The following CTNND2 variants were observed in gnomAD, a reference collection of about 807,000 sequenced individuals.
The protein encoded by CTNND2 is catenin delta 2.
A neutral mutation model predicts 144.4 loss-of-function variants in CTNND2; 22 were observed. The observed-to-expected ratio is 0.15, with a 90% confidence interval of 0.11 to 0.22. The LOEUF (loss-of-function observed/expected upper bound fraction) is 0.22. Among genes scored for constraint, CTNND2 ranks in the 10% least tolerant of loss-of-function variants. The probability of loss-of-function intolerance (pLI) is 1.00; values close to 1 mark genes in which losing one functional copy is unlikely to be tolerated. For missense variants in CTNND2, 1,353 were observed against 1,618.8 expected (o/e 0.84, Z 2.82); for synonymous variants, 751 against 695.6 (o/e 1.08, Z -1.25).
At chr5:11,246,556 C>T (rs1420257494) in intron 9 of CTNND2, among the ~76,000 whole-genome samples, 1 of 152,062 alleles carries the variant, frequency 6.6e-6, no homozygotes, top group African/African-American at 2.4e-5. Context: ...AGAGACGCTA[C>T]ACTGCTCACA....
intron 10 of CTNND2, among the ~76,000 whole-genome samples, chr5:11,206,160 G>T (rs748580849): frequency 6.6e-6 from 1 of 152,160 alleles, no homozygotes; most frequent in South Asian, 2.1e-4. Context: ...ATAGTGAAAG[G>T]AATACAATTT....
At chr5:11,116,800 G>A (rs1025638793) in intron 13 of CTNND2, among the ~76,000 whole-genome samples, 1 of 152,190 alleles carries the variant, frequency 6.6e-6, no homozygotes, top group African/African-American at 2.4e-5. Context: ...GCTCATGCCT[G>A]TAATCCCAGC....
chr5:11,212,917 G>T (rs1357734193), intron 10 of CTNND2, among the ~76,000 whole-genome samples: 1 of 152,214 alleles, frequency 6.6e-6, no homozygotes, highest in African/African-American at 2.4e-5. Flanking sequence ...TGAGGTGATA[G>T]GACCCACACA....
chr5:11,584,902 T>C (rs1367174503), intron 2 of CTNND2, among the ~76,000 whole-genome samples: 7 of 152,174 alleles, frequency 4.6e-5, no homozygotes, highest in South Asian at 4.1e-4. Flanking sequence ...CTCATGCTAA[T>C]AGAGGATAGA....
chr5:11,599,781 T>A (rs558017282), intron 2 of CTNND2, among the ~76,000 whole-genome samples: 25 of 152,268 alleles, frequency 1.6e-4, no homozygotes, highest in Non-Finnish European at 3.2e-4. Flanking sequence ...CCAGGAAGCT[T>A]GCTATTCTGG....
At chr5:11,440,252 C>T (rs1175808382) in intron 3 of CTNND2, among the ~76,000 whole-genome samples, 1 of 152,174 alleles carries the variant, frequency 6.6e-6, no homozygotes, top group Non-Finnish European at 1.5e-5. Flanking sequence ...GATGTGTGAA[C>T]TCGCTCATGG....
In CTNND2 at chr5:11,344,817, A is replaced by G. The variant is rs75584336; in HGVS notation, c.1628+1555T>C. 2.9e-3 allele frequency among the ~76,000 whole-genome samples: 448 copies of G among 152,330 alleles called. 2 individuals carry two copies. Among genetic ancestry groups the G allele is most frequent in the African/African-American group, 0.01 (423 of 41,570 alleles). On this transcript the variant is annotated intron_variant, in intron 9 of 21. Transcript: ENST00000304623. ...ATTGAGAGAAGAAAAAAGGCTGTAA[A>G]AATGACAGTAACATAAAATGGAAAG... is the stretch of plus-strand genomic sequence containing the variant.
chr5:11,360,077 AAG>A (rs1197036070), intron 8 of CTNND2, among the ~76,000 whole-genome samples: 1 of 152,152 alleles, frequency 6.6e-6, no homozygotes, highest in Non-Finnish European at 1.5e-5. Context: ...TGATTACAAA[AAG>A]GTAGACAGTA....
intron 7 of CTNND2, among the ~76,000 whole-genome samples, chr5:11,373,368 A>G (rs1757631533): frequency 6.6e-6 from 1 of 152,116 alleles, no homozygotes; most frequent in Non-Finnish European, 1.5e-5. Context: ...ACCCACCACC[A>G]TGTCTGGGTC....
intron 2 of CTNND2, among the ~76,000 whole-genome samples, chr5:11,721,393 C>G (rs1786670425): frequency 6.6e-6 from 1 of 151,966 alleles, no homozygotes; most frequent in South Asian, 2.1e-4. Context: ...TAAATTCACC[C>G]CAGGCTACAT....
chr5:11,832,667 G>A (rs1408262876), intron 1 of CTNND2, among the ~76,000 whole-genome samples: 2 of 152,058 alleles, frequency 1.3e-5, no homozygotes, highest in Admixed American at 6.5e-5. Flanking sequence ...CAGGCTGGAC[G>A]TGGTATTTCA....
At chr5:11,210,325 G>C (rs1043621235) in intron 10 of CTNND2, among the ~76,000 whole-genome samples, 6 of 151,980 alleles carry the variant, frequency 3.9e-5, no homozygotes, top group Non-Finnish European at 8.8e-5. Context: ...TTGAGCCCAG[G>C]GGGCAGAGGC....
chr5:11,548,057 G>GA (rs921335189), intron 3 of CTNND2, among the ~76,000 whole-genome samples: 25 of 149,136 alleles, frequency 1.7e-4, no homozygotes, highest in East Asian at 3.9e-4. Context: ...ATCAGTGAAA[G>GA]AAAAAAAAAA....
rs1186239291 is a variant in CTNND2 at position 11,468,941 on chromosome 5, A to G, written c.288-56872T>C. The stretch of plus-strand genomic sequence containing the variant: ...GTGCTGTGGCCCTAAGGGTTTCTAC[A>G]TAAGTCTCCAGTTTAAATTTTTCAG... On this transcript the variant is annotated intron_variant, in intron 3 of 21. Coordinates refer to ENST00000304623, the MANE Select transcript of CTNND2 (RefSeq NM_001332.4). 3.9e-5 allele frequency among the ~76,000 whole-genome samples: 6 copies of G among 152,152 alleles called. No individual in the cohort carries two copies. The South Asian group carries it at 8.3e-4, about 21-fold the overall frequency.
At chr5:11,643,931 ATATT>A (rs1477734126) in intron 2 of CTNND2, among the ~76,000 whole-genome samples, 8 of 152,142 alleles carry the variant, frequency 5.3e-5, no homozygotes, top group Admixed American at 2.0e-4. Flanking sequence ...ATTTGACTTC[ATATT>A]TATTAATGAA....
intron 9 of CTNND2, among the ~76,000 whole-genome samples, chr5:11,242,208 C>T (rs1312180865): frequency 1.3e-5 from 2 of 152,132 alleles, no homozygotes; most frequent in African/African-American, 4.8e-5. Flanking sequence ...AACGTGAGCG[C>T]ATACTAAAAG....
intron 2 of CTNND2, among the ~76,000 whole-genome samples, chr5:11,648,190 T>TTTA (rs1416038810): frequency 6.6e-6 from 1 of 151,104 alleles, no homozygotes; most frequent in African/African-American, 2.5e-5. Flanking sequence ...TTTTTTTTTT[T>TTTA]TACTATTATA....
intron 3 of CTNND2, among the ~76,000 whole-genome samples, chr5:11,564,149 T>C (rs1038293642): frequency 2.0e-5 from 3 of 152,202 alleles, no homozygotes; most frequent in Admixed American, 1.3e-4. Flanking sequence ...AACAAACTAC[T>C]ATTGTGTTAA....
intron 18 of CTNND2, among the ~76,000 whole-genome samples, chr5:11,008,207 A>G (rs1421593807): frequency 3.3e-5 from 5 of 152,202 alleles, no homozygotes; most frequent in Admixed American, 3.3e-4. Flanking sequence ...AGAAGATGTC[A>G]CCATCCTAAT....
Sources: gnomAD v4.1 joint callset for allele counts (sites outside exome capture counted in the v4.1 genomes callset) on GRCh38, gnomAD v4.1.1 for gene constraint, MANE v1.5 for transcripts, NCBI Gene and HGNC (gene_info 2026-07-23, HGNC 2026-07-21) for gene names.